The following USP10 variants were observed in gnomAD, a reference collection of about 807,000 sequenced individuals.
USP10 encodes the protein ubiquitin specific peptidase 10, also known as ubiquitin carboxyl-terminal hydrolase 10.
In USP10, 22 loss-of-function variants were observed where a neutral mutation model predicts 84.5. The observed-to-expected ratio is 0.26, with a 90% CI of 0.19 to 0.37. The LOEUF (loss-of-function observed/expected upper bound fraction) is 0.37, where lower values mean the gene tolerates loss of function less well. Ranked by LOEUF, USP10 falls within the 10% of genes least tolerant of loss-of-function variation. USP10 has a pLI of 1.00. For missense variants in USP10, 1,019 were observed against 998.9 expected, an observed-to-expected ratio of 1.02 and a Z score of -0.27; for synonymous variants, 454 against 387.6, an observed-to-expected ratio of 1.17 and a Z score of -2.01.
At chr16:84,738,075 A>T (rs1287278987) in intron 2 of USP10, among the ~76,000 whole-genome samples, 2 of 140,180 alleles carry the variant, frequency 1.4e-5, no homozygotes, top group Non-Finnish European at 3.0e-5. Flanking sequence ...GATGGTGAGC[A>T]GGGTTCTAAC....
intron 11 of USP10, among the ~76,000 whole-genome samples, chr16:84,772,320 G>A (rs949695590): frequency 6.6e-6 from 1 of 152,102 alleles, no homozygotes; most frequent in African/African-American, 2.4e-5. Context: ...CAAAGTGCTG[G>A]GATTAATGGG....
intron 11 of USP10, among the ~76,000 whole-genome samples, chr16:84,770,515 G>T (rs886947433): frequency 1.1e-4 from 16 of 152,160 alleles, no homozygotes; most frequent in African/African-American, 3.6e-4. Context: ...GCTCACACCT[G>T]TAATCCCAGC....
intron 13 of USP10, among the ~76,000 whole-genome samples, chr16:84,776,238 C>A (rs1226737419): frequency 2.0e-5 from 3 of 152,248 alleles, no homozygotes; most frequent in Middle Eastern, 6.8e-3. Flanking sequence ...CCTCAGCTCA[C>A]GCCCGATGTT....
chr16:84,763,700 C>T (rs753836912), intron 9 of USP10, among the ~76,000 whole-genome samples: 4 of 152,212 alleles, frequency 2.6e-5, no homozygotes, highest in East Asian at 1.9e-4. Flanking sequence ...GATTGGTTGC[C>T]GTGGATCAAG....
chr16:84,751,753 TCAA>T (rs1911965171), intron 4 of USP10, among the ~76,000 whole-genome samples: 1 of 152,176 alleles, frequency 6.6e-6, no homozygotes, highest in Admixed American at 6.5e-5. Flanking sequence ...GAAAAGCAGG[TCAA>T]CAACACCAGA....
intron 4 of USP10, among the ~76,000 whole-genome samples, chr16:84,746,214 T>C (rs1911206646): frequency 6.6e-6 from 1 of 152,076 alleles, no homozygotes; most frequent in African/African-American, 2.4e-5. Context: ...TATTTTAGAG[T>C]GCTAAGGCTC....
intron 2 of USP10, among the ~76,000 whole-genome samples, chr16:84,738,509 T>G (rs1188489298): frequency 6.6e-6 from 1 of 152,194 alleles, no homozygotes; most frequent in African/African-American, 2.4e-5. Flanking sequence ...ACTGCCCTTA[T>G]AGACCCACCT....
intron 1 of USP10, among the ~76,000 whole-genome samples, chr16:84,722,546 C>T (rs1215175604): frequency 6.6e-6 from 1 of 152,178 alleles, no homozygotes; most frequent in African/African-American, 2.4e-5. Context: ...TCTCTGTCCT[C>T]ACCAACATTT....
At chr16:84,700,582 C>G (rs1904730423) in intron 1 of USP10, among the ~76,000 whole-genome samples, 2 of 152,138 alleles carry the variant, frequency 1.3e-5, no homozygotes, top group Admixed American at 6.5e-5. Flanking sequence ...CCCTTTGCCC[C>G]AAGAGCTTCC....
At chr16:84,740,209 A>G in intron 2 of USP10, 100 bp from the exon 3 acceptor site, 3 of 1,044,410 alleles carry the variant, frequency 2.9e-6, no homozygotes, top group Non-Finnish European at 2.8e-6. Context: ...GCAAAGTTGT[A>G]TGGATTAAGA....
At chr16:84,719,250 C>CT (rs2150775399) in intron 1 of USP10, among the ~76,000 whole-genome samples, 1 of 152,168 alleles carries the variant, frequency 6.6e-6, no homozygotes, top group South Asian at 2.1e-4. Context: ...TTTATAATTT[C>CT]TTTTTTAACT....
At chr16:84,727,451 G>A (rs192400516) in intron 1 of USP10, among the ~76,000 whole-genome samples, 2,207 of 146,500 alleles carry the variant, frequency 0.015, 55 homozygotes, top group African/African-American at 0.052. Context: ...TTCAGTGTTA[G>A]CTTTAAAAAA....
At position 84,703,591 on chromosome 16, in the gene USP10, A is replaced by G. The variant is rs181729927; in HGVS notation, c.21+3480A>G. Reference sequence around the variant, plus strand: ...ATTTTTATTAGAATCTCAAGTAATGAGCAGCTGAAGTAAATACAATTGTTT... The same window carrying G: ...ATTTTTATTAGAATCTCAAGTAATGGGCAGCTGAAGTAAATACAATTGTTT... On this transcript the variant is annotated intron_variant, in intron 1 of 13. Transcript: ENST00000219473. 2.0e-3 allele frequency among the ~76,000 whole-genome samples: 298 copies of G among 152,374 alleles called. 2 individuals carry two copies. Among genetic ancestry groups the G allele is most frequent in the African/African-American group, 6.6e-3 (273 of 41,600 alleles).
chr16:84,720,158 A>C (rs1009504539), intron 1 of USP10, among the ~76,000 whole-genome samples: 8 of 152,204 alleles, frequency 5.3e-5, no homozygotes, highest in African/African-American at 1.4e-4. Context: ...GACAGTGGCC[A>C]GCAAATCAGA....
In USP10 at chr16:84,779,890, G is replaced by A. The variant is rs1345538230; in HGVS notation, c.*808G>A. The A allele has an allele frequency of 6.6e-6, 1 of 152,132 alleles. No individual in the cohort carries two copies. Among genetic ancestry groups the A allele is most frequent in the Admixed American group, 6.5e-5 (1 of 15,276 alleles). The allele number at this position is 152,132 out of a possible 1,614,324, so 9.4% of individuals were successfully genotyped here. On this transcript the variant is annotated 3_prime_UTR_variant, in exon 14 of 14. Transcript: ENST00000219473. ...TGATATCTAGGAGTATAAAGTTGTC[G>A]CCCATCAATAAAAATCACAAAGTTG...
intron 3 of USP10, among the ~76,000 whole-genome samples, chr16:84,741,468 A>G (rs539002023): frequency 6.6e-6 from 1 of 152,174 alleles, no homozygotes; most frequent in African/African-American, 2.4e-5. Context: ...CTCATGTTGA[A>G]CCAGTGCTTA....
At chr16:84,761,923 C>T (rs751135497) in intron 8 of USP10, among the ~76,000 whole-genome samples, 1 of 152,258 alleles carries the variant, frequency 6.6e-6, no homozygotes, top group Admixed American at 6.5e-5. Context: ...TTTCTGCACA[C>T]GTGCAGAGCA....
At chr16:84,729,347 T>C (rs949123936) in intron 1 of USP10, among the ~76,000 whole-genome samples, 2 of 152,234 alleles carry the variant, frequency 1.3e-5, no homozygotes, top group African/African-American at 4.8e-5. Flanking sequence ...GTTTTATTCT[T>C]AGGATTCCCC....
chr16:84,774,928 C>T (rs1914839698), intron 12 of USP10, among the ~76,000 whole-genome samples: 1 of 152,196 alleles, frequency 6.6e-6, no homozygotes, highest in Non-Finnish European at 1.5e-5. Flanking sequence ...ACAGCCTCGG[C>T]CGTTGCTCCT....
Sources: gnomAD v4.1 joint callset for allele counts (sites outside exome capture counted in the v4.1 genomes callset) on GRCh38, gnomAD v4.1.1 for gene constraint, MANE v1.5 for transcripts, NCBI Gene and HGNC (gene_info 2026-07-23, HGNC 2026-07-21) for gene names.